CALHM4: variants seen among roughly 807,000 people sequenced by gnomAD.
The protein encoded by CALHM4 is calcium homeostasis modulator family member 4, also known as calcium homeostasis modulator protein 4.
Under a neutral mutation model 13.3 loss-of-function variants are expected in CALHM4, and 16 were observed. The observed-to-expected ratio is 1.20, with a 90% CI of 0.81 to 1.82. The LOEUF (loss-of-function observed/expected upper bound fraction) is 1.82, where lower values mean the gene tolerates loss of function less well. CALHM4 is among the 40% of genes most tolerant of loss of function. The pLI, the probability that CALHM4 is intolerant of heterozygous loss-of-function variation, is 0.00. For missense variants in CALHM4, 344 were observed against 374.9 expected (o/e 0.92, Z 0.68); for synonymous variants, 127 against 137.1 (o/e 0.93, Z 0.52).
intron 2 of CALHM4, among the ~76,000 whole-genome samples, chr6:116,548,287 C>T (rs1187173425): frequency 6.6e-6 from 1 of 152,174 alleles, no homozygotes; most frequent in Non-Finnish European, 1.5e-5. Context: ...ACAATGCCAG[C>T]ACCTTGATCT....
intron 1 of CALHM4, chr6:116,543,650 G>T (rs1309554980): frequency 4.4e-6 from 3 of 682,742 alleles, no homozygotes; most frequent in Non-Finnish European, 7.5e-6. Context: ...ATCTTTCTAT[G>T]CATTTGCTTA....
rs766920209 is a variant in CALHM4 at position 116,558,034 on chromosome 6, C to A, written c.768C>A (p.Pro256=). 4 of 1,614,016 alleles carry A rather than the reference C, an allele frequency of 2.5e-6. No homozygotes were observed. The highest frequency in any genetic ancestry group is 2.7e-5 in the African/African-American group (2 of 74,904). Residue 256 remains proline, a synonymous_variant, in exon 2 of 2, where the codon CCC becomes CCA. Transcript: ENST00000368596. ...HRIKKLFGFI[P]GSEDVKHIRI... ...TAAAGAAGCTATTTGGCTTCATTCC[C>A]GGGAGTGAAGACGTCAAACACATCC...
intron 2 of CALHM4, chr6:116,545,436 CTG>C: frequency 6.6e-7 from 1 of 1,512,188 alleles, no homozygotes; most frequent in Non-Finnish European, 8.9e-7. Context: ...AACATTTTCT[CTG>C]AAGTAGAAAA....
chr6:116,530,931 ATATATATATATATG>A (rs1156238529), intron 1 of CALHM4, among the ~76,000 whole-genome samples: 1 of 143,738 alleles, frequency 7.0e-6, no homozygotes, highest in Admixed American at 7.0e-5. Context: ...ATATATATAT[ATATATATATATATG>A]TTACTAATTT....
At chr6:116,529,407 G>T (rs1387333139) in intron 1 of CALHM4, among the ~76,000 whole-genome samples, 1 of 152,156 alleles carries the variant, frequency 6.6e-6, no homozygotes, top group Non-Finnish European at 1.5e-5. Context: ...CACAACTGTT[G>T]GCTGTCTAAT....
Position 116,557,855 on chromosome 6 carries a change from A to G in CALHM4, c.589A>G (p.Thr197Ala), listed in dbSNP as rs1774400228. The change falls in exon 2 of 2, where the codon ACC (threonine) becomes GCC (alanine). Residue 197 changes from threonine (T) to alanine (A), a missense_variant. Transcript: ENST00000368596. ...GGGTTGGATTTTGATCACCTTGGCAACCATTGCTGCCTTAGTCTCCTGCTG... is the reference window on the plus strand; with the variant it reads ...GGGTTGGATTTTGATCACCTTGGCAGCCATTGCTGCCTTAGTCTCCTGCTG... ...MLGWILITLA[T>A]IAALVSCCVA... 6.2e-7 allele frequency: 1 copy of G among 1,613,874 alleles called. No homozygotes were observed. Among genetic ancestry groups the G allele is most frequent in the Non-Finnish European group, 8.5e-7 (1 of 1,179,854 alleles).
chr6:116,539,676 T>C (rs919887847), intron 1 of CALHM4, among the ~76,000 whole-genome samples: 4 of 152,064 alleles, frequency 2.6e-5, no homozygotes, highest in African/African-American at 7.2e-5. Flanking sequence ...TATAACAATA[T>C]TAAGGACTAG....
intron 1 of CALHM4, among the ~76,000 whole-genome samples, chr6:116,536,110 T>G (rs1773070086): frequency 6.6e-6 from 1 of 152,242 alleles, no homozygotes; most frequent in Admixed American, 6.5e-5. Context: ...GTATGTCTTA[T>G]TTAATATTTG....
rs767630993 is a variant in CALHM4 at position 116,554,346 on chromosome 6, T to A, written c.553T>A (p.Ser185Thr). 10 of 1,528,700 alleles carry A rather than the reference T, an allele frequency of 6.5e-6. No homozygotes were observed. The South Asian group carries it at 1.2e-4, about 18-fold the overall frequency. 94.7% of individuals were successfully genotyped at this position (1,528,700 alleles called of 1,614,324 possible). Residue 185 changes from serine to threonine, a missense_variant, in exon 1 of 2, where the codon TCA (serine) becomes ACA (threonine). Transcript: ENST00000368596. Reference protein sequence around the residue: ...DEIALLHRYQSQMLGWILITL... With the variant: ...DEIALLHRYQTQMLGWILITL... The stretch of plus-strand genomic sequence containing the variant: ...AATAGCTCTTCTGCACAGATACCAG[T>A]CACAGGTAAGTTTTTAGAATTTTTT...
rs1418057746 is a variant in CALHM4, at chr6:116,554,250, C to T, written c.457C>T (p.Arg153Ter). 3.2e-6 allele frequency: 5 copies of T among 1,550,602 alleles called. No individual in the cohort carries two copies. The South Asian group carries it at 3.6e-5, about 11-fold the overall frequency. ...PMFDNVSASK[R>*]EEILAGFPCC... ...GTTTGATAATGTCAGTGCCAGCAAA[C>T]GAGAAGAGATCCTGGCTGGGTTTCC... The change falls in exon 1 of 2, where the codon CGA (arginine) becomes TGA (stop). Residue 153 changes from arginine to a stop codon, truncating the protein, a stop_gained. Coordinates refer to ENST00000368596, the MANE Select transcript of CALHM4 (RefSeq NM_001366078.2). LOFTEE classifies it high-confidence loss of function.
chr6:116,558,241 T>C lies in CALHM4; in HGVS notation c.*30T>C, dbSNP rs1298537850. 17 of 1,572,700 alleles carry C rather than the reference T, an allele frequency of 1.1e-5. No homozygotes were observed. The highest frequency in any genetic ancestry group is 1.4e-5 in the Non-Finnish European group (16 of 1,162,132). ...AGCACCTTTCATGAGTCAGGTTGCT[T>C]AGCAGATACTTGGCTTTTATGGCTT... is the stretch of plus-strand genomic sequence containing the variant. On this transcript the variant is annotated 3_prime_UTR_variant, in exon 2 of 2. Coordinates refer to ENST00000368596, the MANE Select transcript of CALHM4 (RefSeq NM_001366078.2).
intron 2 of CALHM4, among the ~76,000 whole-genome samples, chr6:116,545,880 A>G (rs1477894217): frequency 6.6e-6 from 1 of 152,232 alleles, no homozygotes; most frequent in Non-Finnish European, 1.5e-5. Context: ...TCTCAGGCCA[A>G]GACATTGTTT....
chr6:116,557,747 A>AT lies in CALHM4; in HGVS notation c.559-77dup, dbSNP rs1416397826. ...TATTTTAGTTCTTAGGTTTGTAGGA[A>AT]TCCCCCCTCCCATGGCTGTTGCTTG... On this transcript the variant is annotated intron_variant, in intron 1 of 1. Transcript: ENST00000368596. The AT allele has an allele frequency of 1.2e-5, 18 of 1,490,644 alleles. No individual in the cohort carries two copies. The African/African-American group carries it at 2.4e-4, about 20-fold the overall frequency. 92.3% of individuals were successfully genotyped at this position (1,490,644 alleles called of 1,614,324 possible).
chr6:116,538,724 ATCTT>A (rs1404802758), intron 1 of CALHM4, among the ~76,000 whole-genome samples: 32 of 151,194 alleles, frequency 2.1e-4, no homozygotes, highest in African/African-American at 7.1e-4. Context: ...AAAGTCTTAA[ATCTT>A]TCTTTCTTTT....
intron 1 of CALHM4, among the ~76,000 whole-genome samples, chr6:116,532,366 A>G (rs1252049734): frequency 6.6e-6 from 1 of 152,056 alleles, no homozygotes; most frequent in Non-Finnish European, 1.5e-5. Flanking sequence ...CCTCCCTGAG[A>G]GAGGGAATTA....
chr6:116,554,430 T>G, intron 1 of CALHM4, 79 bp downstream of exon 1: 1 of 1,189,202 alleles, frequency 8.4e-7, no homozygotes. Flanking sequence ...AGATTCCTAC[T>G]GCTTCTTATA....
chr6:116,544,695 C>A (rs1204263051), intron 2 of CALHM4, among the ~76,000 whole-genome samples: 1 of 151,958 alleles, frequency 6.6e-6, no homozygotes, highest in African/African-American at 2.4e-5. Flanking sequence ...TTGAGAGTCC[C>A]ACAGGAAAAT....
Position 116,543,491 on chromosome 6 carries a change from C to G in CALHM4, c.-108-274C>G. Reference sequence around the variant, plus strand: ...GTTTATAAAATCTGGTTTGAAGTAGCCTTAGAAGTCACCTGTACATTTTTT... The same window carrying G: ...GTTTATAAAATCTGGTTTGAAGTAGGCTTAGAAGTCACCTGTACATTTTTT... On this transcript the variant is annotated intron_variant, in intron 1 of 2. Transcript: ENST00000368597. 5.7e-6 allele frequency: 6 copies of G among 1,056,000 alleles called. No homozygotes were observed. In the South Asian group the frequency reaches 8.2e-5, roughly 14 times the overall value. 65.4% of individuals were successfully genotyped at this position (1,056,000 alleles called of 1,614,324 possible).
intron 2 of CALHM4, among the ~76,000 whole-genome samples, chr6:116,548,720 C>T (rs1366956073): frequency 6.6e-6 from 1 of 152,100 alleles, no homozygotes; most frequent in East Asian, 1.9e-4. Context: ...CCTCATGTAC[C>T]GAGCAGCATA....
Sources: gnomAD v4.1 joint callset for allele counts (sites outside exome capture counted in the v4.1 genomes callset) on GRCh38, gnomAD v4.1.1 for gene constraint, MANE v1.5 for transcripts, NCBI Gene and HGNC (gene_info 2026-07-23, HGNC 2026-07-21) for gene names.